HORMAD2: variants seen among roughly 807,000 people sequenced by gnomAD.
HORMAD2 encodes HORMA domain containing 2, also known as HORMA domain-containing protein 2.
Under a neutral mutation model 38.8 loss-of-function variants are expected in HORMAD2, and 45 were observed. The ratio of observed to expected loss-of-function variants is 1.16; its 90% confidence interval spans 0.91 to 1.49. The LOEUF is 1.49. Among genes scored for constraint, HORMAD2 ranks in the 40% most tolerant of loss-of-function variants. HORMAD2 has a pLI of 0.00. For synonymous variants in HORMAD2, 126 were observed against 122.8 expected, an observed-to-expected ratio of 1.03 and a Z score of -0.17; for missense variants, 338 against 367.0, an observed-to-expected ratio of 0.92 and a Z score of 0.65.
chr22:30,113,611 G>T (rs904664693), intron 7 of HORMAD2, among the ~76,000 whole-genome samples: 2 of 152,110 alleles, frequency 1.3e-5, no homozygotes, highest in African/African-American at 4.8e-5. Flanking sequence ...GTGCCACTTT[G>T]AATGTGGCTG....
Position 30,082,289 on chromosome 22 carries a change from G to C in HORMAD2, c.-38+1798G>C, listed in dbSNP as rs115180797. Among the ~76,000 whole-genome samples the C allele has an allele frequency of 3.8e-3, 585 of 152,294 alleles. 1 individual carries two copies. The highest frequency in any genetic ancestry group is 0.013 in the African/African-American group (543 of 41,562). On this transcript the variant is annotated intron_variant, in intron 1 of 10. Transcript: ENST00000336726. Reference sequence around the variant, plus strand: ...TTGTAAAAAACGGTTTTTGAAGATTGAGAAAGATGGGTAGAGAGCCTTCAT... The same window carrying C: ...TTGTAAAAAACGGTTTTTGAAGATTCAGAAAGATGGGTAGAGAGCCTTCAT...
rs749436345 is a variant in HORMAD2 at position 30,089,355 on chromosome 22, CTTT to C, written c.-37-4548_-37-4546del. ...GAAAAGGGAAAATTTGCTGCTGCTT[CTTT>C]TTTTTTTTTTTTGAGATGGAGTCTG... On this transcript the variant is annotated intron_variant, in intron 1 of 10. Transcript: ENST00000336726. 2.1e-5 allele frequency among the ~76,000 whole-genome samples: 3 copies of C among 140,216 alleles called. No individual in the cohort carries two copies. The East Asian group carries it at 6.2e-4, about 29-fold the overall frequency. 92.0% of individuals were successfully genotyped at this position (140,216 alleles called of 152,430 possible). A position where few individuals can be genotyped will look rare whatever the true frequency, so the allele number is the denominator to read the frequency against.
the HORMAD2 span, among the ~76,000 whole-genome samples, chr22:30,206,178 G>GT: frequency 2.0e-5 from 3 of 151,848 alleles, no homozygotes; most frequent in Non-Finnish European, 4.4e-5. Context: ...GTTTTGTTTT[G>GT]TTTTTTGAGA....
At chr22:30,189,971 C>T in the HORMAD2 span, among the ~76,000 whole-genome samples, 2 of 152,228 alleles carry the variant, frequency 1.3e-5, no homozygotes, top group South Asian at 2.1e-4. Context: ...ACTTGCCCTA[C>T]GTCTCCTCTC....
At chr22:30,148,048 A>G (rs947864888) in intron 10 of HORMAD2, among the ~76,000 whole-genome samples, 4 of 152,240 alleles carry the variant, frequency 2.6e-5, no homozygotes, top group Admixed American at 1.3e-4. Flanking sequence ...ATTAATGTTC[A>G]TAGCAGCTTT....
chr22:30,164,653 G>GT (rs1026280480), intron 10 of HORMAD2, among the ~76,000 whole-genome samples: 1 of 152,000 alleles, frequency 6.6e-6, no homozygotes, highest in Non-Finnish European at 1.5e-5. Flanking sequence ...GATTTTGTTT[G>GT]TTTTTTTGCT....
chr22:30,126,224 T>C (rs185109699), intron 10 of HORMAD2, among the ~76,000 whole-genome samples: 393 of 152,074 alleles, frequency 2.6e-3, no homozygotes, highest in African/African-American at 9.1e-3. Flanking sequence ...AGTGCAGTGG[T>C]GCGATCTCTG....
At chr22:30,161,817 A>G (rs925022462) in intron 10 of HORMAD2, among the ~76,000 whole-genome samples, 2 of 152,196 alleles carry the variant, frequency 1.3e-5, no homozygotes, top group South Asian at 4.1e-4. Flanking sequence ...AAGGGGATAA[A>G]AGAGATTAAA....
At chr22:30,185,523 C>T in the HORMAD2 span, among the ~76,000 whole-genome samples, 10 of 152,278 alleles carry the variant, frequency 6.6e-5, no homozygotes, top group South Asian at 2.1e-4. Context: ...GTTTACAAGA[C>T]GATAAACCAC....
At chr22:30,136,043 A>G (rs993179617) in intron 10 of HORMAD2, among the ~76,000 whole-genome samples, 2 of 152,366 alleles carry the variant, frequency 1.3e-5, no homozygotes, top group Admixed American at 6.5e-5. Context: ...TACCAAGTAC[A>G]ATGATAGCCT....
At chr22:30,174,230 A>T (rs1228354741) in intron 10 of HORMAD2, among the ~76,000 whole-genome samples, 1 of 152,170 alleles carries the variant, frequency 6.6e-6, no homozygotes, top group African/African-American at 2.4e-5. Flanking sequence ...TGATCATCTG[A>T]TGTTCAGATC....
chr22:30,122,034 G>A lies in HORMAD2; in HGVS notation c.639G>A (p.Lys213=). 1 of 1,613,154 alleles carries A rather than the reference G, an allele frequency of 6.2e-7. No individual in the cohort carries two copies. The highest frequency in any genetic ancestry group is 1.1e-5 in the South Asian group (1 of 90,976). Residue 213 remains lysine (K), a synonymous_variant, in exon 10 of 11, where the codon AAG becomes AAA. Coordinates refer to ENST00000336726, the MANE Select transcript of HORMAD2 (RefSeq NM_152510.4). ...ATTCACACTTCCTGCTGTTTGACAA[G>A]GAGCCTATCAACGTGCAAGTGGGAT... is the stretch of plus-strand genomic sequence containing the variant. ...GVNSHFLLFD[K]EPINVQVGFV... is the part of the protein sequence containing the mutation.
At chr22:30,102,744 G>C (rs771885601) in intron 3 of HORMAD2, among the ~76,000 whole-genome samples, 18 of 152,186 alleles carry the variant, frequency 1.2e-4, no homozygotes, top group Non-Finnish European at 2.4e-4. Flanking sequence ...TCCTGCCTCA[G>C]CTTCCTGAGT....
intron 10 of HORMAD2, among the ~76,000 whole-genome samples, chr22:30,151,069 G>A (rs1461796245): frequency 3.3e-5 from 5 of 152,146 alleles, no homozygotes; most frequent in Non-Finnish European, 5.9e-5. Flanking sequence ...ATCTGATGCT[G>A]GAAATTATTT....
chr22:30,092,525 G>A (rs2068709813), intron 1 of HORMAD2, among the ~76,000 whole-genome samples: 2 of 151,958 alleles, frequency 1.3e-5, no homozygotes, highest in Non-Finnish European at 2.9e-5. Flanking sequence ...TATCATTTGT[G>A]TATTTTTGGT....
chr22:30,191,784 TG>T, the HORMAD2 span, among the ~76,000 whole-genome samples: 2 of 152,242 alleles, frequency 1.3e-5, no homozygotes, highest in Non-Finnish European at 2.9e-5. Context: ...ATATTTTGCT[TG>T]TAGCTCTGAA....
intron 2 of HORMAD2, among the ~76,000 whole-genome samples, chr22:30,095,504 C>T (rs1332495634): frequency 6.6e-6 from 1 of 152,148 alleles, no homozygotes; most frequent in Non-Finnish European, 1.5e-5. Context: ...TGGGAAAAGT[C>T]AGACTTTATC....
intron 1 of HORMAD2, chr22:30,081,258 G>GATCT (rs2068468440): frequency 6.6e-6 from 1 of 152,158 alleles, no homozygotes; most frequent in African/African-American, 2.4e-5. Context: ...AATCTGTTGA[G>GATCT]GTAGGAACAG....
At chr22:30,204,585 G>C in the HORMAD2 span, among the ~76,000 whole-genome samples, 1 of 152,164 alleles carries the variant, frequency 6.6e-6, no homozygotes, top group East Asian at 1.9e-4. Flanking sequence ...GTGGTTGCTG[G>C]TCAGAAGCAC....
Sources: gnomAD v4.1 joint callset for allele counts (sites outside exome capture counted in the v4.1 genomes callset) on GRCh38, gnomAD v4.1.1 for gene constraint, MANE v1.5 for transcripts, NCBI Gene and HGNC (gene_info 2026-07-23, HGNC 2026-07-21) for gene names.